The following FMN1 variants were observed in gnomAD, a reference collection of about 807,000 sequenced individuals.
FMN1 encodes the protein formin 1.
Under a neutral mutation model 132.4 loss-of-function variants are expected in FMN1, and 110 were observed. That is an observed-to-expected ratio of 0.83 (90% CI 0.71 to 0.97). The LOEUF (loss-of-function observed/expected upper bound fraction) is 0.97, where lower values mean the gene tolerates loss of function less well. Ranked by LOEUF, FMN1 falls within the 50% of genes least tolerant of loss-of-function variation. FMN1 has a pLI of 0.00. For synonymous variants in FMN1, 722 were observed against 651.7 expected, an observed-to-expected ratio of 1.11 and a Z score of -1.64; for missense variants, 1,792 against 1,705.3, an observed-to-expected ratio of 1.05 and a Z score of -0.90.
intron 5 of FMN1, among the ~76,000 whole-genome samples, chr15:33,079,001 T>C (rs746687208): frequency 1.6e-4 from 24 of 152,274 alleles, no homozygotes; most frequent in African/African-American, 5.8e-4. Flanking sequence ...AAAACAATCA[T>C]GTGAATTTTA....
intron 4 of FMN1, among the ~76,000 whole-genome samples, chr15:33,103,886 C>A (rs905931940): frequency 6.6e-6 from 1 of 152,052 alleles, no homozygotes; most frequent in Admixed American, 6.6e-5. Context: ...TTTCTTCCCC[C>A]TGAGGTAATT....
intron 19 of FMN1, among the ~76,000 whole-genome samples, chr15:32,795,593 G>T (rs943618200): frequency 6.9e-6 from 1 of 144,700 alleles, no homozygotes; most frequent in African/African-American, 2.6e-5. Context: ...TAATGGGGGT[G>T]GGGGGGTGGC....
At chr15:33,158,122 A>T (rs1488285184) in intron 3 of FMN1, among the ~76,000 whole-genome samples, 1 of 152,186 alleles carries the variant, frequency 6.6e-6, no homozygotes, top group Non-Finnish European at 1.5e-5. Context: ...GAAAAAGGGC[A>T]CCAGGAGTTC....
At chr15:32,975,824 A>G (rs1596379777) in intron 7 of FMN1, among the ~76,000 whole-genome samples, 1 of 152,156 alleles carries the variant, frequency 6.6e-6, no homozygotes, top group East Asian at 1.9e-4. Context: ...GGACTCTAGC[A>G]ACTTCCCCAG....
Position 32,766,515 on chromosome 15 carries a change from A to C in FMN1, c.*7795T>G, listed in dbSNP as rs1223531430. The C allele has an allele frequency of 1.3e-5, 2 of 148,372 alleles. No homozygotes were observed. The highest frequency in any genetic ancestry group is 4.0e-4 in the East Asian group (2 of 5,052). 9.2% of individuals were successfully genotyped at this position (148,372 alleles called of 1,614,324 possible). The stretch of plus-strand genomic sequence containing the variant: ...AGGTAAAATCTATGAGAAATTGAGA[A>C]GGCCTAGAATAAGAACCCCCCCCCC... On this transcript the variant is annotated 3_prime_UTR_variant, in exon 21 of 21. Coordinates refer to ENST00000616417, the MANE Select transcript of FMN1 (RefSeq NM_001277313.2).
chr15:32,785,161 CGTGTGTGTGTGTGTGTGTGTGTGT>C lies in FMN1; in HGVS notation c.4131-8266_4131-8243del, dbSNP rs1178285469. Among the ~76,000 whole-genome samples, 63 of 51,618 alleles carry C rather than the reference CGTGTGTGTGTGTGTGTGTGTGTGT, an allele frequency of 1.2e-3. 3 individuals carry two copies. Among genetic ancestry groups the C allele is most frequent in the African/African-American group, 5.1e-3 (61 of 11,884 alleles). The allele number at this position is 51,618 out of a possible 152,430, so 33.9% of individuals were successfully genotyped here. On this transcript the variant is annotated intron_variant, in intron 19 of 20. Transcript: ENST00000616417. ...GTGTGTGTGTGTGTGTGTATACGTA[CGTGTGTGTGTGTGTGTGTGTGTGT>C]GTGTGTGTGTGTGTGTATATATATA...
chr15:32,893,001 G>A (rs564171204), intron 15 of FMN1, among the ~76,000 whole-genome samples: 1 of 152,228 alleles, frequency 6.6e-6, no homozygotes, highest in African/African-American at 2.4e-5. Context: ...CTACTACAGA[G>A]GGCTTGTAAA....
rs201216330 is a variant in FMN1 at position 32,969,062 on chromosome 15, G to A, written c.2639C>T (p.Pro880Leu). ...CAAAGATCCAAGTCCTGAGGGGAGG[G>A]GCGGAGGGGGAGGGATGGATGCGGG... is the stretch of plus-strand genomic sequence containing the variant. ...PPPASIPPPP[P>L]LPSGLGSLSP... Residue 880 changes from proline to leucine, a missense_variant, in exon 8 of 21, where the codon CCC becomes CTC. By Grantham distance (98) the Pro-to-Leu change is moderately conservative. Transcript: ENST00000616417. 6.1e-4 allele frequency: 957 copies of A among 1,558,720 alleles called. No homozygotes were observed. The highest frequency in any genetic ancestry group is 7.7e-4 in the Non-Finnish European group (880 of 1,146,938).
chr15:33,175,483 A>G (rs1965483903), intron 3 of FMN1, among the ~76,000 whole-genome samples: 1 of 152,204 alleles, frequency 6.6e-6, no homozygotes, highest in Non-Finnish European at 1.5e-5. Flanking sequence ...AAGTTTTACC[A>G]TCTATTTTCT....
rs1388382618 is a variant in FMN1 at position 32,926,245 on chromosome 15, T to G, written c.3155A>C (p.Asp1052Ala). 2 of 1,524,848 alleles carry G rather than the reference T, an allele frequency of 1.3e-6. No individual in the cohort carries two copies. Among genetic ancestry groups the G allele is most frequent in the East Asian group, 4.7e-5 (2 of 42,956 alleles). 94.5% of individuals were successfully genotyped at this position (1,524,848 alleles called of 1,614,324 possible). A position where few individuals can be genotyped will look rare whatever the true frequency, so the allele number is the denominator to read the frequency against. ...NKVKKIIKLLDGKRSQTVGIL... is the reference protein window; with the variant it reads ...NKVKKIIKLLAGKRSQTVGIL... Reference sequence around the variant, plus strand: ...TCCCACAGTTTGAGATCGTTTTCCATCCAACAATTTGATGATCTAAAATTA... The same window carrying G: ...TCCCACAGTTTGAGATCGTTTTCCAGCCAACAATTTGATGATCTAAAATTA... The change falls in exon 10 of 21, where the codon GAT becomes GCT. Residue 1052 changes from aspartate to alanine, a missense_variant. Transcript: ENST00000616417.
chr15:32,874,737 G>A (rs540965982), intron 16 of FMN1, among the ~76,000 whole-genome samples: 1 of 152,348 alleles, frequency 6.6e-6, no homozygotes, highest in South Asian at 2.1e-4. Context: ...TGATCTTTCA[G>A]TGAGTTTATT....
intron 3 of FMN1, among the ~76,000 whole-genome samples, chr15:33,165,337 A>G (rs1191538017): frequency 6.6e-6 from 1 of 152,278 alleles, no homozygotes; most frequent in Non-Finnish European, 1.5e-5. Flanking sequence ...TGATTAAGGA[A>G]GCTGCTCTTG....
intron 16 of FMN1, among the ~76,000 whole-genome samples, chr15:32,863,879 A>G (rs1192273506): frequency 2.0e-5 from 3 of 152,202 alleles, no homozygotes; most frequent in African/African-American, 7.2e-5. Context: ...AACTTGCACA[A>G]TTTTCTTCTT....
At chr15:32,891,886 T>C (rs1461187004) in intron 15 of FMN1, among the ~76,000 whole-genome samples, 1 of 152,170 alleles carries the variant, frequency 6.6e-6, no homozygotes, top group Non-Finnish European at 1.5e-5. Context: ...GAAGAGCTAC[T>C]AATTTGTGTA....
intron 3 of FMN1, among the ~76,000 whole-genome samples, chr15:33,177,300 T>C (rs1385591442): frequency 6.6e-6 from 1 of 152,146 alleles, no homozygotes; most frequent in Non-Finnish European, 1.5e-5. Context: ...ATTCCTCTTC[T>C]TTAGGTCATA....
At chr15:32,955,967 T>A (rs11633193) in intron 9 of FMN1, among the ~76,000 whole-genome samples, 41,354 of 152,092 alleles carry the variant, frequency 0.27, 8,019 homozygotes, top group African/African-American at 0.55. Flanking sequence ...AATGATTTTT[T>A]TTCTGCTAAT....
At chr15:33,051,342 GAAA>G (rs1596556407) in intron 6 of FMN1, among the ~76,000 whole-genome samples, 1 of 152,096 alleles carries the variant, frequency 6.6e-6, no homozygotes, top group East Asian at 1.9e-4. Flanking sequence ...AAAATGGAAA[GAAA>G]AAACTAAACT....
At chr15:32,961,331 C>T (rs1596349857) in intron 9 of FMN1, among the ~76,000 whole-genome samples, 1 of 151,780 alleles carries the variant, frequency 6.6e-6, no homozygotes, top group African/African-American at 2.4e-5. Context: ...ACGGGGTTTC[C>T]CGAAATTGGC....
At chr15:32,877,377 G>A (rs1221390833) in intron 16 of FMN1, among the ~76,000 whole-genome samples, 1 of 151,534 alleles carries the variant, frequency 6.6e-6, no homozygotes, top group Non-Finnish European at 1.5e-5. Flanking sequence ...CATTTACAAA[G>A]AGAATACCTG....
Sources: allele counts gnomAD v4.1 joint callset (sites outside exome capture counted in the v4.1 genomes callset), GRCh38; gene constraint gnomAD v4.1.1; transcripts MANE v1.5; gene names NCBI Gene and HGNC (gene_info 2026-07-23, HGNC 2026-07-21).